The following DNAJC1 variants were observed in gnomAD, a reference collection of about 807,000 sequenced individuals.
DNAJC1 encodes DnaJ heat shock protein family (Hsp40) member C1, also known as dnaJ homolog subfamily C member 1.
A neutral mutation model predicts 76.6 loss-of-function variants in DNAJC1; 58 were observed. The observed-to-expected ratio is 0.76, with a 90% CI of 0.61 to 0.94. The LOEUF is 0.94. DNAJC1 is among the 40% of genes least tolerant of loss of function. The pLI, the probability that DNAJC1 is intolerant of heterozygous loss-of-function variation, is 0.00. For missense variants in DNAJC1, 689 were observed against 677.3 expected (o/e 1.02, Z -0.19); for synonymous variants, 258 against 267.9 (o/e 0.96, Z 0.36).
At chr10:21,772,449 A>T (rs1834397656) in intron 9 of DNAJC1, among the ~76,000 whole-genome samples, 1 of 151,980 alleles carries the variant, frequency 6.6e-6, no homozygotes, top group South Asian at 2.1e-4. Flanking sequence ...ATTTAGTTTT[A>T]GCAGTTTGTG....
intron 7 of DNAJC1, 136 bp downstream of exon 7, chr10:21,904,386 A>C (rs74120998): frequency 2.9e-5 from 14 of 488,986 alleles, no homozygotes; most frequent in African/African-American, 2.4e-4. Flanking sequence ...ATTAAGTACA[A>C]GTGACTCCAC....
chr10:21,781,627 A>G (rs1834528305), intron 9 of DNAJC1, among the ~76,000 whole-genome samples: 1 of 148,024 alleles, frequency 6.8e-6, no homozygotes, highest in African/African-American at 2.5e-5. Context: ...AGGCTGAGGC[A>G]GGAGAATGGC....
At chr10:21,955,097 CA>C (rs1837656940) in intron 1 of DNAJC1, among the ~76,000 whole-genome samples, 1 of 152,130 alleles carries the variant, frequency 6.6e-6, no homozygotes, top group African/African-American at 2.4e-5. Flanking sequence ...TTCTAATAAC[CA>C]AAAATGTCTC....
chr10:21,940,172 G>C (rs1479254824), intron 1 of DNAJC1, among the ~76,000 whole-genome samples: 8 of 152,034 alleles, frequency 5.3e-5, no homozygotes, highest in South Asian at 2.1e-4. Flanking sequence ...AAAAGAAAAT[G>C]CTTTAGAAAT....
chr10:21,908,446 A>G (rs1205192174), intron 6 of DNAJC1, among the ~76,000 whole-genome samples: 2 of 147,756 alleles, frequency 1.4e-5, no homozygotes, highest in Non-Finnish European at 3.0e-5. Flanking sequence ...AAGAGGATGA[A>G]TAAGATAAAT....
chr10:21,950,964 A>G (rs1029361306), intron 1 of DNAJC1, among the ~76,000 whole-genome samples: 8 of 152,358 alleles, frequency 5.3e-5, no homozygotes, highest in Admixed American at 3.9e-4. Flanking sequence ...AAAGTGCTAG[A>G]AACAGCAGAA....
chr10:21,990,328 C>A (rs1482657858), intron 1 of DNAJC1, among the ~76,000 whole-genome samples: 1 of 151,974 alleles, frequency 6.6e-6, no homozygotes, highest in Non-Finnish European at 1.5e-5. Context: ...TGGTACATAT[C>A]TAAAGACAAT....
At chr10:21,855,059 G>A (rs1344136189) in intron 8 of DNAJC1, among the ~76,000 whole-genome samples, 1 of 152,130 alleles carries the variant, frequency 6.6e-6, no homozygotes, top group African/African-American at 2.4e-5. Flanking sequence ...AAATCATCTA[G>A]TTAAGATCTG....
chr10:21,914,665 T>C (rs1292579557), intron 6 of DNAJC1, among the ~76,000 whole-genome samples: 2 of 152,204 alleles, frequency 1.3e-5, no homozygotes, highest in African/African-American at 4.8e-5. Flanking sequence ...AAGACAGTAA[T>C]GGGCTGCATG....
chr10:21,818,224 G>A (rs1835105227), intron 8 of DNAJC1, among the ~76,000 whole-genome samples: 1 of 152,144 alleles, frequency 6.6e-6, no homozygotes, highest in Non-Finnish European at 1.5e-5. Flanking sequence ...CCCCTTAGGT[G>A]CAGCTGTCTT....
At chr10:21,842,764 G>A (rs1244613184) in intron 8 of DNAJC1, among the ~76,000 whole-genome samples, 1 of 152,154 alleles carries the variant, frequency 6.6e-6, no homozygotes, top group Non-Finnish European at 1.5e-5. Context: ...CATAATTAAG[G>A]ATGGTCTCTA....
chr10:21,855,763 T>C (rs1436642151), intron 8 of DNAJC1, among the ~76,000 whole-genome samples: 2 of 152,130 alleles, frequency 1.3e-5, no homozygotes, highest in Admixed American at 1.3e-4. Flanking sequence ...ACGTAATCAG[T>C]GCTCCGCCAC....
chr10:21,805,477 G>T (rs936318107), intron 9 of DNAJC1, among the ~76,000 whole-genome samples: 1 of 111,938 alleles, frequency 8.9e-6, no homozygotes, highest in Non-Finnish European at 1.9e-5. Flanking sequence ...CACACACACA[G>T]TTTCTTCTGG....
At chr10:21,891,476 CAAA>C (rs369729722) in intron 7 of DNAJC1, among the ~76,000 whole-genome samples, 1 of 38,858 alleles carries the variant, frequency 2.6e-5, no homozygotes, top group Non-Finnish European at 5.1e-5. Flanking sequence ...ACAAAGTAGA[CAAA>C]AAAAAAAAAA....
chr10:22,003,620 G>A lies in DNAJC1; in HGVS notation c.-186C>T, dbSNP rs932649265. 3 of 624,136 alleles carry A rather than the reference G, an allele frequency of 4.8e-6. No individual in the cohort carries two copies. The highest frequency in any genetic ancestry group is 7.0e-6 in the Non-Finnish European group (3 of 431,438). The allele number at this position is 624,136 out of a possible 1,614,324, so 38.7% of individuals were successfully genotyped here. A position where few individuals can be genotyped will look rare whatever the true frequency, so the allele number is the denominator to read the frequency against. On this transcript the variant is annotated 5_prime_UTR_variant, in exon 1 of 12. Coordinates refer to ENST00000376980, the MANE Select transcript of DNAJC1 (RefSeq NM_022365.4). ...AGGCGGCGGGAGCCGGCTGCCGGAC[G>A]GGCGGGTGGGTAGGCGGGCGGGGCC...
At chr10:21,944,619 G>C (rs1172585157) in intron 1 of DNAJC1, among the ~76,000 whole-genome samples, 1 of 152,138 alleles carries the variant, frequency 6.6e-6, no homozygotes, top group East Asian at 1.9e-4. Flanking sequence ...AGGGGAGAGA[G>C]AATTAAAATA....
intron 8 of DNAJC1, among the ~76,000 whole-genome samples, chr10:21,825,218 AC>A: frequency 6.6e-6 from 1 of 151,996 alleles, no homozygotes; most frequent in Non-Finnish European, 1.5e-5. Flanking sequence ...TTAAACAATA[AC>A]CCCCTGTCTC....
intron 9 of DNAJC1, among the ~76,000 whole-genome samples, chr10:21,776,889 G>GT (rs1463831301): frequency 6.6e-6 from 1 of 152,134 alleles, no homozygotes; most frequent in Non-Finnish European, 1.5e-5. Flanking sequence ...AGTGAACACC[G>GT]TAACAACATA....
intron 1 of DNAJC1, among the ~76,000 whole-genome samples, chr10:21,939,621 T>C (rs938728399): frequency 6.6e-6 from 1 of 152,178 alleles, no homozygotes; most frequent in East Asian, 1.9e-4. Flanking sequence ...GTCTGTAGCC[T>C]AGGATCAATA....
Sources: allele counts gnomAD v4.1 joint callset (sites outside exome capture counted in the v4.1 genomes callset), GRCh38; gene constraint gnomAD v4.1.1; transcripts MANE v1.5; gene names NCBI Gene and HGNC (gene_info 2026-07-23, HGNC 2026-07-21).